Variants in KDM1B observed in about 807,000 individuals in gnomAD.
KDM1B encodes the protein lysine demethylase 1B.
In KDM1B, 63 loss-of-function variants were observed where a neutral mutation model predicts 107.4. That is an observed-to-expected ratio of 0.59 (90% CI 0.48 to 0.72). KDM1B has a LOEUF of 0.72. Ranked by LOEUF, KDM1B falls within the 30% of genes least tolerant of loss-of-function variation. The pLI, the probability that KDM1B is intolerant of heterozygous loss-of-function variation, is 0.00. For synonymous variants in KDM1B, 363 were observed against 363.9 expected, an observed-to-expected ratio of 1.00 and a Z score of 0.03; for missense variants, 749 against 1,020.8, an observed-to-expected ratio of 0.73 and a Z score of 3.63.
intron 8 of KDM1B, 62 bp from the exon 9 acceptor site, chr6:18,187,730 G>A: frequency 8.9e-7 from 1 of 1,122,040 alleles, no homozygotes; most frequent in Non-Finnish European, 1.3e-6. Context: ...GTCCCTGGCA[G>A]AATCTGCATG....
At chr6:18,189,995 CA>C (rs1310674667) in intron 9 of KDM1B, among the ~76,000 whole-genome samples, 1 of 151,496 alleles carries the variant, frequency 6.6e-6, no homozygotes, top group Admixed American at 6.6e-5. Flanking sequence ...AAAAAATACA[CA>C]AAAAATTAGC....
At chr6:18,168,605 C>G (rs555917842) in intron 6 of KDM1B, among the ~76,000 whole-genome samples, 2 of 152,242 alleles carry the variant, frequency 1.3e-5, no homozygotes, top group South Asian at 4.1e-4. Context: ...TACCTGCTTG[C>G]AATTCTTGGG....
At chr6:18,215,515 G>A (rs1246958888) in intron 20 of KDM1B, among the ~76,000 whole-genome samples, 1 of 152,028 alleles carries the variant, frequency 6.6e-6, no homozygotes, top group Non-Finnish European at 1.5e-5. Context: ...CTTCTTATGA[G>A]GACACAAATC....
intron 2 of KDM1B, among the ~76,000 whole-genome samples, chr6:18,157,595 C>T: frequency 6.6e-6 from 1 of 151,918 alleles, no homozygotes; most frequent in Non-Finnish European, 1.5e-5. Flanking sequence ...ATATACTATA[C>T]ATTTACAAAT....
In KDM1B at chr6:18,161,308, T is replaced by G. The variant is rs902301571; in HGVS notation, c.88-19T>G. The G allele has an allele frequency of 1.9e-6, 3 of 1,612,736 alleles. No individual in the cohort carries two copies. The African/African-American group carries it at 4.0e-5, about 22-fold the overall frequency. On this transcript the variant is annotated intron_variant, in intron 3 of 21. Transcript: ENST00000650836. ...TGCCATCATCAGTGAAATTTTAACA[T>G]CAGCTGTGACTCCCTTAGGCGAAGA... is the stretch of plus-strand genomic sequence containing the variant.
rs1199781739 is a variant in KDM1B at position 18,204,853 on chromosome 6, G to A, written c.1532-684G>A. Among the ~76,000 whole-genome samples the A allele has an allele frequency of 6.6e-6, 1 of 152,218 alleles. No homozygotes were observed. The highest frequency in any genetic ancestry group is 1.9e-4 in the East Asian group (1 of 5,184). ...AGAGTGGGAGGTCGCAGACCCTGCA[G>A]GGTAGGAATTTACCAGGAAAAAGAT... On this transcript the variant is annotated intron_variant, in intron 14 of 21. Transcript: ENST00000650836. The surrounding 1 kb of genome is among the most constrained non-coding windows in gnomAD (Gnocchi z 4.9).
intron 6 of KDM1B, among the ~76,000 whole-genome samples, chr6:18,167,631 G>A (rs1001394231): frequency 6.6e-6 from 1 of 150,822 alleles, no homozygotes; most frequent in Non-Finnish European, 1.5e-5. Context: ...ATGCTACCAC[G>A]CCCAGCTGAC....
intron 15 of KDM1B, among the ~76,000 whole-genome samples, 190 bp from the exon 16 acceptor site, chr6:18,207,208 T>A (rs935663130): frequency 4.6e-5 from 7 of 151,834 alleles, no homozygotes; most frequent in African/African-American, 7.3e-5. Context: ...CCTTTTGTTC[T>A]CAAATAAACT....
At position 18,155,673 on chromosome 6, in the gene KDM1B, C is replaced by A. The variant is rs1037148960; in HGVS notation, c.-58+102C>A. 5 of 152,410 alleles carry A rather than the reference C, an allele frequency of 3.3e-5. No individual in the cohort carries two copies. Among genetic ancestry groups the A allele is most frequent in the Non-Finnish European group, 5.9e-5 (4 of 68,220 alleles). 9.4% of individuals were successfully genotyped at this position (152,410 alleles called of 1,614,324 possible). On this transcript the variant is annotated intron_variant, in intron 1 of 21. Transcript: ENST00000650836. This position sits in a 1 kb window ranked among gnomAD's most constrained non-coding sequence, Gnocchi z 6.2. The stretch of plus-strand genomic sequence containing the variant: ...TGGTTGGGGTGCAAGCCCTCCCTTT[C>A]CCCCTGTGCAGCGCCCCTCGCCGTG...
chr6:18,156,518 G>A (rs147793732), intron 2 of KDM1B, among the ~76,000 whole-genome samples: 1 of 152,110 alleles, frequency 6.6e-6, no homozygotes, highest in East Asian at 1.9e-4. Context: ...GGGAGAGAAG[G>A]CTTCTTCAGG....
At chr6:18,158,624 CTGTGTGTA>C in intron 2 of KDM1B, among the ~76,000 whole-genome samples, 1 of 152,116 alleles carries the variant, frequency 6.6e-6, no homozygotes, top group African/African-American at 2.4e-5. Context: ...TTATCATTTT[CTGTGTGTA>C]TGTGTAGTTA....
Position 18,159,844 on chromosome 6 carries a change from C to A in KDM1B, c.-13-39C>A. The A allele has an allele frequency of 9.6e-7, 1 of 1,044,714 alleles. No individual in the cohort carries two copies. Among genetic ancestry groups the A allele is most frequent in the Non-Finnish European group, 1.5e-6 (1 of 671,124 alleles). The allele number at this position is 1,044,714 out of a possible 1,614,324, so 64.7% of individuals were successfully genotyped here. A position where few individuals can be genotyped will look rare whatever the true frequency, so the allele number is the denominator to read the frequency against. ...TGCTCCAGACTGTTAAAAATATTTG[C>A]AGATGCTAATATTTAATGGTCTGAT... On this transcript the variant is annotated intron_variant, in intron 2 of 21. Transcript: ENST00000650836. The surrounding 1 kb of genome is among the most constrained non-coding windows in gnomAD (Gnocchi z 4.5).
rs1026525958 is a variant in KDM1B at position 18,209,206 on chromosome 6, T to C, written c.1866+1000T>C. Among the ~76,000 whole-genome samples the C allele has an allele frequency of 6.6e-6, 1 of 152,186 alleles. No individual in the cohort carries two copies. The highest frequency in any genetic ancestry group is 6.5e-5 in the Admixed American group (1 of 15,288). On this transcript the variant is annotated intron_variant, in intron 17 of 21. Transcript: ENST00000650836. The surrounding 1 kb of genome is among the most constrained non-coding windows in gnomAD (Gnocchi z 4.3). ...ATACCTGAAATCACACTGAGATTTA[T>C]AGTATTGGAGAATAAAGGTGCCTCC... is the stretch of plus-strand genomic sequence containing the variant.
intron 9 of KDM1B, among the ~76,000 whole-genome samples, chr6:18,190,627 A>G (rs1053870411): frequency 4.0e-5 from 6 of 149,034 alleles, no homozygotes; most frequent in Non-Finnish European, 7.4e-5. Flanking sequence ...ATAGCTGGGC[A>G]TGGTAGCTCA....
At chr6:18,189,897 G>A (rs1357091061) in intron 9 of KDM1B, among the ~76,000 whole-genome samples, 1 of 152,072 alleles carries the variant, frequency 6.6e-6, no homozygotes, top group Non-Finnish European at 1.5e-5. Context: ...TGTAATCCCA[G>A]CACTTTGGGA....
At chr6:18,166,239 C>G (rs368131100) in intron 5 of KDM1B, 28 bp from the exon 6 acceptor site, 1 of 1,038,338 alleles carries the variant, frequency 9.6e-7, no homozygotes, top group East Asian at 2.4e-5. Flanking sequence ...ATATATTAAT[C>G]GATATATTAA....
rs951387031 is a variant in KDM1B, at chr6:18,215,133, A to G, written c.2232+4A>G. On this transcript the variant is annotated splice_donor_region_variant and intron_variant, in intron 20 of 21. Coordinates refer to ENST00000650836, the MANE Select transcript of KDM1B (RefSeq NM_001364614.2). The stretch of plus-strand genomic sequence containing the variant: ...CCGGGAGCTGTTCAAGGAGCAGGTG[A>G]GAGAGAGGAAGCCCTCCTTGAAAGG... The G allele has an allele frequency of 1.9e-6, 3 of 1,610,018 alleles. No homozygotes were observed. The highest frequency in any genetic ancestry group is 1.3e-5 in the African/African-American group (1 of 74,840).
At chr6:18,215,246 G>A (rs1249948942) in intron 20 of KDM1B, 117 bp downstream of exon 20, 24 of 1,219,430 alleles carry the variant, frequency 2.0e-5, no homozygotes, top group Non-Finnish European at 2.7e-5. Flanking sequence ...AGAGGCCACA[G>A]TCTTCTTTCT....
chr6:18,180,838 T>C (rs1786417986), intron 7 of KDM1B, among the ~76,000 whole-genome samples: 1 of 152,224 alleles, frequency 6.6e-6, no homozygotes, highest in Non-Finnish European at 1.5e-5. Context: ...AGTGCTGGGA[T>C]TACAGGCGTG....
Sources: gnomAD v4.1 joint callset for allele counts (sites outside exome capture counted in the v4.1 genomes callset) on GRCh38, gnomAD v4.1.1 for gene constraint, Gnocchi (gnomAD v3.1) non-coding constraint, MANE v1.5 for transcripts, NCBI Gene and HGNC (gene_info 2026-07-23, HGNC 2026-07-21) for gene names.